The following AIM2 variants were observed in gnomAD, a reference collection of about 807,000 sequenced individuals.
AIM2 encodes the protein interferon-inducible protein AIM2.
In AIM2, 30 loss-of-function variants were observed where a neutral mutation model predicts 27.7. That is an observed-to-expected ratio of 1.08 (90% CI 0.81 to 1.47). The LOEUF is 1.47. Ranked by LOEUF, AIM2 falls within the 40% of genes most tolerant of loss-of-function variation. AIM2 has a pLI of 0.00. For synonymous variants in AIM2, 141 were observed against 145.3 expected, an observed-to-expected ratio of 0.97 and a Z score of 0.21; for missense variants, 358 against 411.3, an observed-to-expected ratio of 0.87 and a Z score of 1.12.
intron 1 of AIM2, among the ~76,000 whole-genome samples, chr1:159,104,699 T>C (rs1429351191): frequency 6.6e-6 from 1 of 152,188 alleles, no homozygotes; most frequent in Non-Finnish European, 1.5e-5. Context: ...GTTCGTCTCT[T>C]TTTACTTTTT....
At chr1:159,094,517 T>G (rs1166538302) in intron 1 of AIM2, among the ~76,000 whole-genome samples, 1 of 152,146 alleles carries the variant, frequency 6.6e-6, no homozygotes, top group African/African-American at 2.4e-5. Flanking sequence ...GCCAACATGG[T>G]GAAACTTTGT....
At chr1:159,100,678 T>C (rs192102210) in intron 1 of AIM2, among the ~76,000 whole-genome samples, 7 of 152,344 alleles carry the variant, frequency 4.6e-5, no homozygotes, top group Non-Finnish European at 8.8e-5. Context: ...ACATTTTACC[T>C]GTAGAGGAAA....
At chr1:159,112,950 T>TATATATATATATAA (rs1479776929) in intron 1 of AIM2, among the ~76,000 whole-genome samples, 4 of 150,128 alleles carry the variant, frequency 2.7e-5, no homozygotes, top group African/African-American at 9.8e-5. Context: ...TATATATATA[T>TATATATATATATAA]AATTTTTTTT....
chr1:159,108,776 T>G (rs1212198286), intron 1 of AIM2, among the ~76,000 whole-genome samples: 1 of 152,080 alleles, frequency 6.6e-6, no homozygotes, highest in Non-Finnish European at 1.5e-5. Context: ...AAATCAAGAA[T>G]GCAACCCCCT....
At chr1:159,145,691 A>G (rs997813267) in intron 1 of AIM2, among the ~76,000 whole-genome samples, 1 of 152,180 alleles carries the variant, frequency 6.6e-6, no homozygotes, top group Non-Finnish European at 1.5e-5. Context: ...AGGTCACAAG[A>G]AAGTCCATAC....
chr1:159,070,886 G>C (rs1204185592), intron 2 of AIM2, among the ~76,000 whole-genome samples: 3 of 152,164 alleles, frequency 2.0e-5, no homozygotes, highest in Non-Finnish European at 4.4e-5. Flanking sequence ...CAGCATCAAG[G>C]GAGGCGGAAG....
At chr1:159,124,745 G>C (rs534258138) in intron 1 of AIM2, among the ~76,000 whole-genome samples, 1 of 152,274 alleles carries the variant, frequency 6.6e-6, no homozygotes, top group East Asian at 1.9e-4. Context: ...TGTTTCAGAG[G>C]TCCATTGAAG....
chr1:159,139,217 A>G (rs561588380), intron 1 of AIM2, among the ~76,000 whole-genome samples: 2 of 152,328 alleles, frequency 1.3e-5, no homozygotes, highest in South Asian at 4.1e-4. Flanking sequence ...AAAGTCTCCT[A>G]TCTAAGGCAC....
At chr1:159,077,653 G>A (rs1246758570), upstream of AIM2, among the ~76,000 whole-genome samples, 1 of 152,112 alleles carries the variant, frequency 6.6e-6, no homozygotes, top group East Asian at 1.9e-4. Flanking sequence ...TTTATTGCTT[G>A]TAGCCACCTG....
chr1:159,065,956 G>A lies in AIM2; in HGVS notation c.770C>T (p.Thr257Ile). 21 of 1,614,132 alleles carry A rather than the reference G, an allele frequency of 1.3e-5. No individual in the cohort carries two copies. Among genetic ancestry groups the A allele is most frequent in the Non-Finnish European group, 1.7e-5 (20 of 1,180,008 alleles). ...ATTCACAATTGTTCCAAGGGGCTGAGTTTGAAGCGTGTTGATCTTCGGGGT... is the reference window on the plus strand; with the variant it reads ...ATTCACAATTGTTCCAAGGGGCTGAATTTGAAGCGTGTTGATCTTCGGGGT... ...GETPKINTLQ[T>I]QPLGTIVNGL... The change falls in exon 4 of 6, where the codon ACT (threonine) becomes ATT (isoleucine). Residue 257 changes from threonine to isoleucine, a missense_variant. Transcript: ENST00000368130.
chr1:159,094,020 G>A (rs574584879), intron 1 of AIM2, among the ~76,000 whole-genome samples: 97 of 151,994 alleles, frequency 6.4e-4, no homozygotes, highest in Middle Eastern at 3.4e-3. Context: ...GATTACAGGC[G>A]TGAGTCACTG....
chr1:159,072,073 TA>T (rs1044563001), intron 2 of AIM2, among the ~76,000 whole-genome samples: 6 of 152,222 alleles, frequency 3.9e-5, no homozygotes, highest in Non-Finnish European at 8.8e-5. Context: ...TATCTCAGCC[TA>T]TGTTTGCCAA....
Position 159,062,587 on chromosome 1 carries a change from T to C in AIM2, c.*105A>G. 9.2e-7 allele frequency: 1 copy of C among 1,091,810 alleles called. No homozygotes were observed. 67.6% of individuals were successfully genotyped at this position (1,091,810 alleles called of 1,614,324 possible). On this transcript the variant is annotated 3_prime_UTR_variant, in exon 6 of 6. Transcript: ENST00000368130. ...TTGGTGGAGAGAGGAGCCTGTGAAC[T>C]GCAGCTTTCAGGTAACTTACAATCT...
chr1:159,100,119 C>T (rs1440316867), intron 1 of AIM2, among the ~76,000 whole-genome samples: 7 of 152,170 alleles, frequency 4.6e-5, no homozygotes, highest in Non-Finnish European at 1.0e-4. Context: ...CATGGTCTGC[C>T]CTTTCTCTAC....
chr1:159,089,700 G>A (rs888776524), intron 1 of AIM2, among the ~76,000 whole-genome samples: 1 of 152,078 alleles, frequency 6.6e-6, no homozygotes, highest in Non-Finnish European at 1.5e-5. Flanking sequence ...AACAAAAATG[G>A]CCACTCAAAA....
At chr1:159,117,287 T>A (rs10489847) in intron 1 of AIM2, among the ~76,000 whole-genome samples, 8,913 of 152,176 alleles carry the variant, frequency 0.059, 843 homozygotes, top group African/African-American at 0.2. Flanking sequence ...ACAAAGAATG[T>A]AGCTTAAAAA....
chr1:159,060,535 T>G (rs1230105967), downstream of AIM2, among the ~76,000 whole-genome samples: 1 of 152,204 alleles, frequency 6.6e-6, no homozygotes, highest in Non-Finnish European at 1.5e-5. Context: ...AACAAAAATT[T>G]CCTTCCTGCT....
intron 1 of AIM2, among the ~76,000 whole-genome samples, chr1:159,113,377 A>G (rs966013000): frequency 1.1e-4 from 16 of 152,210 alleles, no homozygotes; most frequent in African/African-American, 2.7e-4. Flanking sequence ...AAATTTGTCA[A>G]TTAAGATACC....
At chr1:159,097,533 T>C (rs1362837123) in intron 1 of AIM2, among the ~76,000 whole-genome samples, 2 of 152,136 alleles carry the variant, frequency 1.3e-5, no homozygotes, top group Non-Finnish European at 1.5e-5. Flanking sequence ...TACAAGATAG[T>C]ACAAGTAATT....
Sources: allele counts gnomAD v4.1 joint callset (sites outside exome capture counted in the v4.1 genomes callset), GRCh38; gene constraint gnomAD v4.1.1; transcripts MANE v1.5; gene names NCBI Gene and HGNC (gene_info 2026-07-23, HGNC 2026-07-21).